The following PTPRT variants were observed in gnomAD, a reference collection of about 807,000 sequenced individuals.
PTPRT encodes receptor-type tyrosine-protein phosphatase T.
PTPRT carries 56 observed loss-of-function variants against 176.8 expected under a neutral mutation model. The observed-to-expected ratio is 0.32, with a 90% CI of 0.26 to 0.40. The LOEUF (loss-of-function observed/expected upper bound fraction) is 0.40, where lower values mean the gene tolerates loss of function less well. PTPRT is among the 10% of genes least tolerant of loss of function. The probability of loss-of-function intolerance (pLI) is 1.00; values close to 1 mark genes in which losing one functional copy is unlikely to be tolerated. For missense variants in PTPRT, 1,540 were observed against 1,908.2 expected (o/e 0.81, Z 3.60); for synonymous variants, 783 against 739.0 (o/e 1.06, Z -0.96).
intron 23 of PTPRT, among the ~76,000 whole-genome samples, chr20:42,107,341 A>G (rs1424353645): frequency 1.3e-5 from 2 of 152,290 alleles, no homozygotes; most frequent in African/African-American, 4.8e-5. Context: ...TGTCCCCAAG[A>G]CAGAGAGTGG....
chr20:42,412,353 T>C (rs1160448957), intron 9 of PTPRT, among the ~76,000 whole-genome samples: 2 of 152,184 alleles, frequency 1.3e-5, no homozygotes, highest in Non-Finnish European at 2.9e-5. Flanking sequence ...AAAACCACTA[T>C]GAGCTCTAAT....
intron 19 of PTPRT, among the ~76,000 whole-genome samples, chr20:42,126,933 T>A (rs1191613931): frequency 2.0e-5 from 3 of 152,104 alleles, no homozygotes; most frequent in Non-Finnish European, 4.4e-5. Flanking sequence ...AGAGACGGTG[T>A]TCATCTTCAA....
At chr20:42,907,477 T>C (rs1024748908) in intron 1 of PTPRT, among the ~76,000 whole-genome samples, 1 of 151,738 alleles carries the variant, frequency 6.6e-6, no homozygotes. Flanking sequence ...TTTTTTTTAA[T>C]GTTTTTCTCA....
chr20:42,300,593 A>G (rs1173628782), intron 12 of PTPRT, among the ~76,000 whole-genome samples: 1 of 151,990 alleles, frequency 6.6e-6, no homozygotes, highest in Non-Finnish European at 1.5e-5. Context: ...AGTATAACCA[A>G]CTGAATAAAA....
chr20:42,104,898 T>C (rs1056828172), intron 24 of PTPRT, among the ~76,000 whole-genome samples, 180 bp from the exon 25 acceptor site: 2 of 152,232 alleles, frequency 1.3e-5, no homozygotes, highest in Non-Finnish European at 2.9e-5. Flanking sequence ...AATGATCACC[T>C]GAGCTATGGT....
At chr20:43,159,224 G>A (rs1409382196) in intron 1 of PTPRT, among the ~76,000 whole-genome samples, 3 of 152,188 alleles carry the variant, frequency 2.0e-5, no homozygotes, top group African/African-American at 7.2e-5. Context: ...TGAGGGAGCT[G>A]AGGTATTTAT....
intron 9 of PTPRT, among the ~76,000 whole-genome samples, chr20:42,397,230 G>A (rs1381761690): frequency 6.6e-6 from 1 of 152,194 alleles, no homozygotes; most frequent in South Asian, 2.1e-4. Flanking sequence ...ATGCACACAG[G>A]TTATAAACAA....
intron 9 of PTPRT, among the ~76,000 whole-genome samples, chr20:42,356,976 CG>C: frequency 6.6e-6 from 1 of 152,232 alleles, no homozygotes; most frequent in Admixed American, 6.5e-5. Context: ...TCACCCTTAG[CG>C]GACCTCACTT....
At chr20:42,301,480 T>C (rs2057467145) in intron 12 of PTPRT, among the ~76,000 whole-genome samples, 2 of 152,178 alleles carry the variant, frequency 1.3e-5, no homozygotes, top group Admixed American at 1.3e-4. Context: ...TGTTATTGTT[T>C]AAATTTACTA....
intron 9 of PTPRT, among the ~76,000 whole-genome samples, chr20:42,423,132 A>T (rs2059134234): frequency 6.8e-6 from 1 of 146,556 alleles, no homozygotes; most frequent in Admixed American, 7.1e-5. Flanking sequence ...TAATCTACAC[A>T]ATTAGCTCCC....
intron 9 of PTPRT, among the ~76,000 whole-genome samples, chr20:42,367,166 T>A (rs2058526189): frequency 6.6e-6 from 1 of 152,190 alleles, no homozygotes; most frequent in African/African-American, 2.4e-5. Flanking sequence ...GCTGGGCTGG[T>A]TTTAGGCTGT....
chr20:42,350,406 T>A (rs1206869422), intron 11 of PTPRT, among the ~76,000 whole-genome samples: 2 of 151,986 alleles, frequency 1.3e-5, no homozygotes, highest in African/African-American at 2.4e-5. Flanking sequence ...TTTAAAAAAT[T>A]TTTTTCTTTG....
At chr20:42,966,621 T>A (rs986898333) in intron 1 of PTPRT, among the ~76,000 whole-genome samples, 3 of 152,160 alleles carry the variant, frequency 2.0e-5, no homozygotes, top group Admixed American at 6.5e-5. Context: ...TTTTAGAACA[T>A]CTTCACCTGG....
intron 1 of PTPRT, among the ~76,000 whole-genome samples, chr20:42,930,847 A>T (rs1236225863): frequency 6.6e-6 from 1 of 152,176 alleles, no homozygotes; most frequent in Non-Finnish European, 1.5e-5. Context: ...TAGCTACCAC[A>T]TGTACCTTTC....
rs185603373 is a variant in PTPRT at position 42,579,083 on chromosome 20, G to A, written c.1153+98783C>T. On this transcript the variant is annotated intron_variant, in intron 7 of 30. Coordinates refer to ENST00000373187, the MANE Select transcript of PTPRT (RefSeq NM_007050.6). ...CTCCCCCCACCCCACAACAGGCCCT[G>A]GTGTGTGATGTTCCCCTTCCTGTGT... 1.8e-3 allele frequency among the ~76,000 whole-genome samples: 209 copies of A among 118,430 alleles called. 1 individual carries two copies. Among genetic ancestry groups the A allele is most frequent in the Admixed American group, 5.5e-3 (45 of 8,128 alleles). 77.7% of individuals were successfully genotyped at this position (118,430 alleles called of 152,430 possible).
chr20:42,972,504 A>T (rs898555558), intron 1 of PTPRT, among the ~76,000 whole-genome samples: 2 of 151,878 alleles, frequency 1.3e-5, no homozygotes, highest in African/African-American at 4.8e-5. Context: ...TCTACCAAAA[A>T]TACAAAAATT....
chr20:42,832,319 T>C (rs1011620261), intron 2 of PTPRT, among the ~76,000 whole-genome samples: 1 of 152,032 alleles, frequency 6.6e-6, no homozygotes, highest in African/African-American at 2.4e-5. Context: ...TGAGAACACA[T>C]GGACACAAAG....
chr20:42,543,769 T>C (rs1420088499), intron 7 of PTPRT, among the ~76,000 whole-genome samples: 3 of 152,148 alleles, frequency 2.0e-5, no homozygotes, highest in Non-Finnish European at 4.4e-5. Flanking sequence ...TCTTGATCCA[T>C]GGTCTGTAGA....
intron 1 of PTPRT, among the ~76,000 whole-genome samples, chr20:42,989,337 T>G (rs2146103557): frequency 6.6e-6 from 1 of 152,304 alleles, no homozygotes. Context: ...AACACAGAGA[T>G]CAGGAAATAT....
Sources: gnomAD v4.1 joint callset for allele counts (sites outside exome capture counted in the v4.1 genomes callset) on GRCh38, gnomAD v4.1.1 for gene constraint, MANE v1.5 for transcripts, NCBI Gene and HGNC (gene_info 2026-07-23, HGNC 2026-07-21) for gene names.